Variants in GALNT16 observed in about 807,000 individuals in gnomAD.
GALNT16 encodes UDP-GalNAc:polypeptide N-acetylgalactosaminyltransferase-like protein 1.
In GALNT16, 40 loss-of-function variants were observed where a neutral mutation model predicts 76.1. The observed-to-expected ratio is 0.53, with a 90% CI of 0.41 to 0.68. GALNT16 has a LOEUF of 0.68. GALNT16 is among the 30% of genes least tolerant of loss of function. GALNT16 has a pLI of 0.00. For synonymous variants in GALNT16, 276 were observed against 285.2 expected, an observed-to-expected ratio of 0.97 and a Z score of 0.32; for missense variants, 621 against 731.9, an observed-to-expected ratio of 0.85 and a Z score of 1.75.
chr14:69,363,772 C>T, the GALNT16 span, among the ~76,000 whole-genome samples: 1 of 152,144 alleles, frequency 6.6e-6, no homozygotes, highest in African/African-American at 2.4e-5. Flanking sequence ...AACCCTGGTT[C>T]CTGGGCTCTA....
At position 69,277,630 on chromosome 14, in the gene GALNT16, A is replaced by T. The variant is rs141600361; in HGVS notation, c.177+17163A>T. ...TCTTAATCCAGTCTATCATTGTTGGACATTTGGGTTGGTTCCAAGTCTTTG... is the reference window on the plus strand; with the variant it reads ...TCTTAATCCAGTCTATCATTGTTGGTCATTTGGGTTGGTTCCAAGTCTTTG... On this transcript the variant is annotated intron_variant, in intron 1 of 14. Transcript: ENST00000448469. 9.4e-3 allele frequency among the ~76,000 whole-genome samples: 1,431 copies of T among 152,288 alleles called. 17 individuals are homozygous for T. The highest frequency in any genetic ancestry group is 0.032 in the African/African-American group (1,335 of 41,564).
chr14:69,346,747 C>T (rs1389677170), intron 12 of GALNT16, among the ~76,000 whole-genome samples: 1 of 152,200 alleles, frequency 6.6e-6, no homozygotes, highest in East Asian at 1.9e-4. Context: ...GACTGAGGGG[C>T]TCTGTTTTTC....
chr14:69,270,644 A>G (rs907076579), intron 1 of GALNT16, among the ~76,000 whole-genome samples: 2 of 152,202 alleles, frequency 1.3e-5, no homozygotes, highest in African/African-American at 4.8e-5. Flanking sequence ...GTTGCCTTCC[A>G]AAGTTGCTGG....
the GALNT16 span, among the ~76,000 whole-genome samples, chr14:69,367,216 T>C: frequency 1.3e-5 from 2 of 151,732 alleles, no homozygotes; most frequent in African/African-American, 2.4e-5. Context: ...AGCTAAGAAA[T>C]TTGGATTTTA....
chr14:69,279,623 G>C (rs571957694), intron 1 of GALNT16, among the ~76,000 whole-genome samples: 2 of 152,252 alleles, frequency 1.3e-5, no homozygotes, highest in African/African-American at 4.8e-5. Flanking sequence ...GAGTGGGTGT[G>C]GGAAAGGCTG....
At chr14:69,348,353 T>C in intron 14 of GALNT16, 2 of 454,874 alleles carry the variant, frequency 4.4e-6, no homozygotes, top group South Asian at 4.3e-5. Context: ...AAATAGATCA[T>C]CTCATCTAAT....
chr14:69,296,802 G>T (rs1566869396), intron 1 of GALNT16, among the ~76,000 whole-genome samples: 13 of 108,458 alleles, frequency 1.2e-4, no homozygotes, highest in Non-Finnish European at 1.9e-4. Context: ...CAGACAGATA[G>T]AGCTAGATAG....
At chr14:69,325,293 G>C (rs773984045) in intron 3 of GALNT16, 44 bp from the exon 4 acceptor site, 1 of 1,253,656 alleles carries the variant, frequency 8.0e-7, no homozygotes, top group African/African-American at 1.5e-5. Flanking sequence ...ATGGGAGGTG[G>C]TTCCTAAATC....
intron 1 of GALNT16, among the ~76,000 whole-genome samples, chr14:69,303,191 C>T (rs1009220289): frequency 1.3e-5 from 2 of 152,170 alleles, no homozygotes; most frequent in African/African-American, 2.4e-5. Context: ...TATGTGAGGG[C>T]GCCCTGACCC....
Position 69,325,360 on chromosome 14 carries a change from A to G in GALNT16, c.458A>G (p.Asn153Ser), listed in dbSNP as rs758741153. The G allele has an allele frequency of 8.1e-6, 13 of 1,605,120 alleles. No homozygotes were observed. Among genetic ancestry groups the G allele is most frequent in the East Asian group, 4.5e-5 (2 of 44,834 alleles). Residue 153 changes from asparagine (N) to serine (S), a missense_variant, in exon 4 of 15, where the codon AAC (asparagine) becomes AGC (serine). By Grantham distance (46) the Asn-to-Ser change is conservative (BLOSUM62 1). Coordinates refer to ENST00000448469, the MANE Select transcript of GALNT16 (RefSeq NM_001168368.2). ...VKSVLNRTPA[N>S]LIQEIILVDD... ...AGTGTCCTGAACCGAACTCCTGCCA[A>G]CTTGATCCAGGAGATCATTTTAGTG...
chr14:69,343,816 G>A lies in GALNT16; in HGVS notation c.1271+2052G>A, dbSNP rs571869921. ...CTGATGACACCCCCAAGGACCAAGG[G>A]GAAGAAGTGTCTCATAACTATCAGA... On this transcript the variant is annotated intron_variant, in intron 12 of 14. Transcript: ENST00000448469. Among the ~76,000 whole-genome samples, 3 of 152,320 alleles carry A rather than the reference G, an allele frequency of 2.0e-5. No individual in the cohort carries two copies. The South Asian group carries it at 6.2e-4, about 32-fold the overall frequency.
At chr14:69,320,066 C>T (rs2045154313) in intron 1 of GALNT16, among the ~76,000 whole-genome samples, 1 of 150,366 alleles carries the variant, frequency 6.7e-6, no homozygotes, top group Non-Finnish European at 1.5e-5. Flanking sequence ...CCTTAGAGGT[C>T]TGGTGCACTC....
chr14:69,302,602 T>C (rs2044870187), intron 1 of GALNT16, among the ~76,000 whole-genome samples: 1 of 152,200 alleles, frequency 6.6e-6, no homozygotes, highest in South Asian at 2.1e-4. Context: ...TGAGATGCTC[T>C]AGTTAAAGCA....
rs138405006 is a variant in GALNT16 at position 69,344,083 on chromosome 14, T to G, written c.1271+2319T>G. On this transcript the variant is annotated intron_variant, in intron 12 of 14. Transcript: ENST00000448469. ...CCATAGGCCTGAGTGATACCAACTT[T>G]CCTCCAAACAGGGGGTCCCTAAATA... is the stretch of plus-strand genomic sequence containing the variant. 4.5e-3 allele frequency among the ~76,000 whole-genome samples: 688 copies of G among 152,294 alleles called. 4 individuals are homozygous for G. Among genetic ancestry groups the G allele is most frequent in the Non-Finnish European group, 6.4e-3 (433 of 68,022 alleles).
At chr14:69,376,274 C>T in the GALNT16 span, among the ~76,000 whole-genome samples, 3 of 152,258 alleles carry the variant, frequency 2.0e-5, no homozygotes, top group African/African-American at 2.4e-5. Context: ...GGTCTTATTA[C>T]AAATTTTAAC....
the GALNT16 span, among the ~76,000 whole-genome samples, chr14:69,362,681 ATGTC>A: frequency 6.6e-6 from 1 of 152,236 alleles, no homozygotes; most frequent in Non-Finnish European, 1.5e-5. Context: ...AAATGGGAAA[ATGTC>A]TGTCATCAGG....
At chr14:69,362,107 G>A in the GALNT16 span, among the ~76,000 whole-genome samples, 6 of 152,330 alleles carry the variant, frequency 3.9e-5, no homozygotes, top group South Asian at 6.2e-4. Flanking sequence ...CTCTGGAGGC[G>A]ATTGCGAATG....
chr14:69,265,729 C>A (rs1187805038), intron 1 of GALNT16, among the ~76,000 whole-genome samples: 1 of 152,232 alleles, frequency 6.6e-6, no homozygotes, highest in Non-Finnish European at 1.5e-5. Context: ...CATGAGTTAA[C>A]TGCTGATTAT....
chr14:69,291,260 C>G (rs1319470675), intron 1 of GALNT16, among the ~76,000 whole-genome samples: 1 of 152,124 alleles, frequency 6.6e-6, no homozygotes, highest in African/African-American at 2.4e-5. Flanking sequence ...TGCCGCTGCA[C>G]TCCAGCCTGG....
Sources: gnomAD v4.1 joint callset for allele counts (sites outside exome capture counted in the v4.1 genomes callset) on GRCh38, gnomAD v4.1.1 for gene constraint, MANE v1.5 for transcripts, NCBI Gene and HGNC (gene_info 2026-07-23, HGNC 2026-07-21) for gene names.